Variants in AOAH observed in about 807,000 individuals in gnomAD.
AOAH encodes acyloxyacyl hydrolase (neutrophil).
In AOAH, 64 loss-of-function variants were observed where a neutral mutation model predicts 92.2. The observed-to-expected ratio is 0.69, with a 90% CI of 0.57 to 0.86. AOAH has a LOEUF of 0.86. AOAH is among the 40% of genes least tolerant of loss of function. AOAH has a pLI of 0.00. For missense variants in AOAH, 656 were observed against 694.6 expected (o/e 0.94, Z 0.62); for synonymous variants, 263 against 254.5 (o/e 1.03, Z -0.32).
chr7:36,570,380 A>G (rs1211170657), intron 13 of AOAH, among the ~76,000 whole-genome samples: 1 of 152,228 alleles, frequency 6.6e-6, no homozygotes, highest in Non-Finnish European at 1.5e-5. Context: ...TCCACTGTGT[A>G]TGCAGAGACC....
At chr7:36,577,024 C>CT (rs565396541) in intron 12 of AOAH, among the ~76,000 whole-genome samples, 14,884 of 131,378 alleles carry the variant, frequency 0.11, 911 homozygotes, top group Admixed American at 0.16. Flanking sequence ...TGTTGCCTTT[C>CT]TTTTTTTTTT....
chr7:36,645,327 G>A (rs758681649), intron 4 of AOAH, among the ~76,000 whole-genome samples: 6 of 152,088 alleles, frequency 3.9e-5, no homozygotes, highest in East Asian at 3.9e-4. Context: ...GAGGTCCCTC[G>A]CCAGAACCTG....
intron 6 of AOAH, among the ~76,000 whole-genome samples, chr7:36,623,959 G>C (rs983149946): frequency 1.3e-5 from 2 of 152,184 alleles, no homozygotes; most frequent in Non-Finnish European, 2.9e-5. Context: ...ACATAAGGCC[G>C]ATTCACACTT....
rs753997460 is a variant in AOAH at position 36,530,423 on chromosome 7, T to G, written c.1517A>C (p.His506Pro). 5 of 1,610,014 alleles carry G rather than the reference T, an allele frequency of 3.1e-6. No individual in the cohort carries two copies. The highest frequency in any genetic ancestry group is 4.3e-6 in the Non-Finnish European group (5 of 1,176,386). ...ACCCAAACAAAGCTACTTACTTTCA[T>G]GGAAGGCAAAATCCATGTAGAAAAG... Reference protein sequence around the residue: ...FNLFYMDFAFHEIIQEWQKRG... With the variant: ...FNLFYMDFAFPEIIQEWQKRG... The change falls in exon 19 of 21, where the codon CAT becomes CCT. Residue 506 changes from histidine to proline, a missense_variant. By Grantham distance (77) the His-to-Pro change is moderately conservative. Coordinates refer to ENST00000617537, the MANE Select transcript of AOAH (RefSeq NM_001637.4).
intron 19 of AOAH, among the ~76,000 whole-genome samples, chr7:36,523,377 A>G (rs76748384): frequency 0.012 from 1,791 of 152,310 alleles, 37 homozygotes; most frequent in African/African-American, 0.041. Context: ...GTCTCCAGGG[A>G]GAAGTTGTGG....
At chr7:36,668,348 C>T (rs1198584604) in intron 3 of AOAH, among the ~76,000 whole-genome samples, 1 of 152,196 alleles carries the variant, frequency 6.6e-6, no homozygotes, top group East Asian at 1.9e-4. Flanking sequence ...AGCAATTTGT[C>T]TATTACAGTA....
intron 19 of AOAH, among the ~76,000 whole-genome samples, chr7:36,526,201 TAAAAG>T (rs915530538): frequency 5.3e-5 from 8 of 152,328 alleles, no homozygotes; most frequent in African/African-American, 1.9e-4. Context: ...CAATAGGTGT[TAAAAG>T]AAAATGCTCC....
At chr7:36,535,078 CTG>C (rs1335022029) in intron 16 of AOAH, among the ~76,000 whole-genome samples, 3 of 99,754 alleles carry the variant, frequency 3.0e-5, no homozygotes, top group East Asian at 3.7e-4. Flanking sequence ...CCGTGTGTGT[CTG>C]TGTCTCTGTG....
intron 8 of AOAH, 93 bp downstream of exon 8, chr7:36,621,617 G>T: frequency 8.6e-7 from 1 of 1,159,164 alleles, no homozygotes; most frequent in Non-Finnish European, 1.3e-6. Flanking sequence ...CTCTCTGTAA[G>T]TGGGAATCCC....
At chr7:36,579,301 A>T (rs1788752487) in intron 12 of AOAH, among the ~76,000 whole-genome samples, 6 of 151,960 alleles carry the variant, frequency 3.9e-5, no homozygotes, top group Admixed American at 2.6e-4. Flanking sequence ...AGGTGATGTC[A>T]CTGAGTAACC....
Position 36,659,440 on chromosome 7 carries a change from CT to C in AOAH, c.291-176del, listed in dbSNP as rs375554958. Among the ~76,000 whole-genome samples the C allele has an allele frequency of 2.0e-3, 303 of 152,334 alleles. 4 individuals carry two copies. Among genetic ancestry groups the C allele is most frequent in the African/African-American group, 6.5e-3 (269 of 41,564 alleles). On this transcript the variant is annotated intron_variant, in intron 3 of 20. Transcript: ENST00000617537. ...GCTGGATGGTAATGATTTCCTGCCA[CT>C]GTTGCTCTCTCCTGCATTTAGAATG...
chr7:36,624,423 A>T (rs1034212460), intron 6 of AOAH, among the ~76,000 whole-genome samples: 1 of 152,224 alleles, frequency 6.6e-6, no homozygotes, highest in African/African-American at 2.4e-5. Flanking sequence ...GGCAGCCTGG[A>T]GCCTGTCTTA....
At chr7:36,705,715 C>T (rs552274642) in intron 1 of AOAH, among the ~76,000 whole-genome samples, 9 of 152,228 alleles carry the variant, frequency 5.9e-5, no homozygotes, top group African/African-American at 1.7e-4. Flanking sequence ...TGAGGCATCA[C>T]GTTACCTGAC....
chr7:36,647,902 C>T (rs913317338), intron 4 of AOAH, among the ~76,000 whole-genome samples: 3 of 151,404 alleles, frequency 2.0e-5, no homozygotes, highest in South Asian at 2.1e-4. Flanking sequence ...GTTATCTTGG[C>T]TCACAGCAAC....
intron 13 of AOAH, chr7:36,550,229 C>CAT: frequency 6.6e-6 from 1 of 152,174 alleles, no homozygotes; most frequent in Non-Finnish European, 1.5e-5. Flanking sequence ...TGGTGGCGTG[C>CAT]GCCTGTAATC....
At chr7:36,693,705 A>G (rs555652191) in intron 1 of AOAH, among the ~76,000 whole-genome samples, 8 of 152,278 alleles carry the variant, frequency 5.3e-5, no homozygotes, top group African/African-American at 1.7e-4. Context: ...CCAATTTGAT[A>G]AACTATTATT....
rs758685168 is a variant in AOAH at position 36,722,704 on chromosome 7, G to GC, written c.127+1317_127+1318insG. On this transcript the variant is annotated intron_variant, in intron 1 of 20. Coordinates refer to ENST00000617537, the MANE Select transcript of AOAH (RefSeq NM_001637.4). The stretch of plus-strand genomic sequence containing the variant: ...TAATCCCAGCACTTTGGGAGCCAAG[G>GC]GGGGCGGATCACGAGGTCAGGAGTT... Among the ~76,000 whole-genome samples, 823 of 151,976 alleles carry GC rather than the reference G, an allele frequency of 5.4e-3. 6 individuals carry two copies. Among genetic ancestry groups the GC allele is most frequent in the Middle Eastern group, 0.017 (5 of 292 alleles).
chr7:36,558,151 A>T (rs969003563), intron 13 of AOAH, among the ~76,000 whole-genome samples: 1 of 152,126 alleles, frequency 6.6e-6, no homozygotes, highest in African/African-American at 2.4e-5. Flanking sequence ...GGTGATGTAC[A>T]GATGGGTTTT....
intron 1 of AOAH, among the ~76,000 whole-genome samples, chr7:36,704,797 G>A (rs1000533917): frequency 6.6e-6 from 1 of 152,118 alleles, no homozygotes; most frequent in African/African-American, 2.4e-5. Context: ...TATCCACTAT[G>A]AGCAAGTCAG....
Sources: allele counts gnomAD v4.1 joint callset (sites outside exome capture counted in the v4.1 genomes callset), GRCh38; gene constraint gnomAD v4.1.1; transcripts MANE v1.5; gene names NCBI Gene and HGNC (gene_info 2026-07-23, HGNC 2026-07-21).